COL23A1: variants seen among roughly 807,000 people sequenced by gnomAD.
The protein encoded by COL23A1 is collagen type XXIII alpha 1 chain, also known as collagen alpha-1(XXIII) chain.
COL23A1 carries 97 observed loss-of-function variants against 99.3 expected under a neutral mutation model. The observed-to-expected ratio is 0.98, with a 90% CI of 0.83 to 1.16. The LOEUF (loss-of-function observed/expected upper bound fraction) is 1.16, where lower values mean the gene tolerates loss of function less well. Among genes scored for constraint, COL23A1 ranks in the 50% most tolerant of loss-of-function variants. COL23A1 has a pLI of 0.00. For synonymous variants in COL23A1, 320 were observed against 308.2 expected (o/e 1.04, Z -0.40); for missense variants, 762 against 757.4 (o/e 1.01, Z -0.07).
At position 178,338,938 on chromosome 5, in the gene COL23A1, A is replaced by G. The variant is rs537016423; in HGVS notation, c.362-32019T>C. ...CAGGCTGAGGCTTGTCTCTATCAAC[A>G]ACACATCTTAGGGCTTGGAAACAGA... On this transcript the variant is annotated intron_variant, in intron 2 of 28. Transcript: ENST00000390654. Among the ~76,000 whole-genome samples the G allele has an allele frequency of 2.6e-5, 4 of 152,290 alleles. No individual in the cohort carries two copies. The South Asian group carries it at 8.3e-4, about 32-fold the overall frequency.
chr5:178,274,200 C>G (rs1180126052), intron 5 of COL23A1, among the ~76,000 whole-genome samples: 2 of 152,240 alleles, frequency 1.3e-5, no homozygotes, highest in African/African-American at 4.8e-5. Context: ...GCAATGGGCT[C>G]AGTGGACTCA....
At chr5:178,426,289 T>C (rs915134116) in intron 2 of COL23A1, among the ~76,000 whole-genome samples, 12 of 152,236 alleles carry the variant, frequency 7.9e-5, no homozygotes, top group Admixed American at 7.8e-4. Context: ...TCTACAGCCT[T>C]GTGCAAATGC....
At chr5:178,523,179 C>CAT (rs1562051614) in intron 2 of COL23A1, among the ~76,000 whole-genome samples, 4 of 53,098 alleles carry the variant, frequency 7.5e-5, no homozygotes, top group South Asian at 7.3e-4. Context: ...TATATATATA[C>CAT]ACATATATAT....
intron 2 of COL23A1, among the ~76,000 whole-genome samples, chr5:178,342,498 G>A (rs140359212): frequency 2.0e-5 from 3 of 152,336 alleles, no homozygotes; most frequent in Non-Finnish European, 4.4e-5. Context: ...TTCCTGGGCG[G>A]AGACACAGGC....
chr5:178,277,545 G>A (rs983153035), intron 5 of COL23A1, among the ~76,000 whole-genome samples: 7 of 152,338 alleles, frequency 4.6e-5, no homozygotes, highest in African/African-American at 1.7e-4. Flanking sequence ...TGCCCATGGC[G>A]AGGTGACTCG....
intron 2 of COL23A1, among the ~76,000 whole-genome samples, chr5:178,476,121 C>T (rs571556644): frequency 1.6e-3 from 238 of 152,294 alleles, no homozygotes; most frequent in Middle Eastern, 0.01. Context: ...CTGTGAATGT[C>T]CCCTGATTTC....
At chr5:178,438,410 G>A (rs1766680765) in intron 2 of COL23A1, among the ~76,000 whole-genome samples, 2 of 152,204 alleles carry the variant, frequency 1.3e-5, no homozygotes, top group Admixed American at 1.3e-4. Context: ...GTAAACATAA[G>A]TGAGCTTTCC....
chr5:178,585,392 G>T (rs79704790), intron 1 of COL23A1, among the ~76,000 whole-genome samples: 11,974 of 144,386 alleles, frequency 0.083, 918 homozygotes, highest in East Asian at 0.31. Flanking sequence ...ACACTCCGCG[G>T]CCCTGACTGA....
intron 2 of COL23A1, among the ~76,000 whole-genome samples, chr5:178,463,815 C>T (rs560318635): frequency 4.6e-5 from 7 of 152,322 alleles, no homozygotes; most frequent in African/African-American, 1.2e-4. Context: ...TTTGTGGCTG[C>T]GGACACTGTG....
At chr5:178,419,793 T>C (rs1358293341) in intron 2 of COL23A1, among the ~76,000 whole-genome samples, 2 of 152,214 alleles carry the variant, frequency 1.3e-5, no homozygotes. Context: ...AGCTGAGTCT[T>C]GGCCAATCCC....
At chr5:178,296,330 G>A (rs1757738046) in intron 3 of COL23A1, among the ~76,000 whole-genome samples, 1 of 152,188 alleles carries the variant, frequency 6.6e-6, no homozygotes, top group Non-Finnish European at 1.5e-5. Flanking sequence ...TCCACTGAAT[G>A]CGTTCCCCAG....
At chr5:178,567,009 C>T (rs1762872917) in intron 1 of COL23A1, among the ~76,000 whole-genome samples, 2 of 152,164 alleles carry the variant, frequency 1.3e-5, no homozygotes, top group South Asian at 4.1e-4. Context: ...AGCCAGGTTT[C>T]TCACTGTCCA....
rs1198907627 is a variant in COL23A1, at chr5:178,384,833, C to T, written c.362-77914G>A. On this transcript the variant is annotated intron_variant, in intron 2 of 28. Transcript: ENST00000390654. The surrounding 1 kb of genome is among the most constrained non-coding windows in gnomAD (Gnocchi z 5.5). ...CTGAGGGAAATGGCTGTGCCTTTTCCTAAAGCATTAAAAGGTCCGTAACAG... is the reference window on the plus strand; with the variant it reads ...CTGAGGGAAATGGCTGTGCCTTTTCTTAAAGCATTAAAAGGTCCGTAACAG... Among the ~76,000 whole-genome samples the T allele has an allele frequency of 6.6e-6, 1 of 152,202 alleles. No individual in the cohort carries two copies. Among genetic ancestry groups the T allele is most frequent in the African/African-American group, 2.4e-5 (1 of 41,442 alleles).
At chr5:178,530,676 G>A (rs988200065) in intron 2 of COL23A1, among the ~76,000 whole-genome samples, 3 of 150,758 alleles carry the variant, frequency 2.0e-5, no homozygotes, top group African/African-American at 7.3e-5. Flanking sequence ...AGGTGTAGAT[G>A]TTGCAGCCAC....
intron 2 of COL23A1, among the ~76,000 whole-genome samples, chr5:178,347,016 G>C (rs1342976777): frequency 2.6e-5 from 4 of 152,180 alleles, no homozygotes; most frequent in African/African-American, 9.6e-5. Flanking sequence ...CTGAAAAGGG[G>C]ACCTGAGTCC....
chr5:178,459,483 C>T (rs1026810499), intron 2 of COL23A1, among the ~76,000 whole-genome samples: 1 of 152,072 alleles, frequency 6.6e-6, no homozygotes, highest in Non-Finnish European at 1.5e-5. Context: ...AAAGGGGGCC[C>T]GGGGGCAGTG....
intron 2 of COL23A1, among the ~76,000 whole-genome samples, chr5:178,346,438 G>A (rs1037814809): frequency 6.6e-6 from 1 of 152,082 alleles, no homozygotes; most frequent in African/African-American, 2.4e-5. Flanking sequence ...GTTTCACCAT[G>A]TTGGCCAGGC....
intron 1 of COL23A1, among the ~76,000 whole-genome samples, chr5:178,585,030 G>C (rs755695293): frequency 6.6e-6 from 1 of 152,194 alleles, no homozygotes; most frequent in Non-Finnish European, 1.5e-5. Context: ...CAACCAACGG[G>C]ACTGTGCCAG....
intron 2 of COL23A1, among the ~76,000 whole-genome samples, chr5:178,435,313 C>A (rs1429402851): frequency 1.3e-5 from 2 of 152,180 alleles, no homozygotes; most frequent in Admixed American, 1.3e-4. Flanking sequence ...CCCAGGCTGG[C>A]TCTGACATTT....
Sources: gnomAD v4.1 joint callset for allele counts (sites outside exome capture counted in the v4.1 genomes callset) on GRCh38, gnomAD v4.1.1 for gene constraint, Gnocchi (gnomAD v3.1) non-coding constraint, MANE v1.5 for transcripts, NCBI Gene and HGNC (gene_info 2026-07-23, HGNC 2026-07-21) for gene names.